Variants in MAIP1 observed in about 807,000 individuals in gnomAD.
MAIP1 encodes the protein matrix AAA peptidase interacting protein 1.
In MAIP1, 28 loss-of-function variants were observed where a neutral mutation model predicts 31.2. The observed-to-expected ratio is 0.90, with a 90% CI of 0.67 to 1.23. The LOEUF is 1.23. MAIP1 is among the 50% of genes most tolerant of loss of function. The pLI, the probability that MAIP1 is intolerant of heterozygous loss-of-function variation, is 0.00. For synonymous variants in MAIP1, 142 were observed against 142.3 expected (o/e 1.00, Z 0.02); for missense variants, 339 against 356.0 (o/e 0.95, Z 0.38).
chr2:199,955,453 G>T, upstream of MAIP1: 1 of 1,613,886 alleles, frequency 6.2e-7, no homozygotes, highest in Non-Finnish European at 8.5e-7. Context: ...GGGGTACCGG[G>T]AGGTGCTGCC....
In MAIP1 at chr2:199,958,663, G is replaced by A. The variant is rs535661164; in HGVS notation, c.451-605G>A. On this transcript the variant is annotated intron_variant, in intron 1 of 4. Coordinates refer to ENST00000392290, the MANE Select transcript of MAIP1 (RefSeq NM_001394955.1). Reference sequence around the variant, plus strand: ...GTAGACTGAAAGTTCCCTGAAGACAGGTAGGATCTTAACTCACAGTTTGCT... The same window carrying A: ...GTAGACTGAAAGTTCCCTGAAGACAAGTAGGATCTTAACTCACAGTTTGCT... Among the ~76,000 whole-genome samples the A allele has an allele frequency of 2.0e-5, 3 of 152,332 alleles. No homozygotes were observed. In the East Asian group the frequency reaches 5.8e-4, roughly 29 times the overall value.
At chr2:199,963,575 T>A (rs1473000214) in intron 4 of MAIP1, among the ~76,000 whole-genome samples, 158 bp from the exon 5 acceptor site, 1 of 152,216 alleles carries the variant, frequency 6.6e-6, no homozygotes, top group Non-Finnish European at 1.5e-5. Flanking sequence ...TGTGATTGAA[T>A]GGGTAGGTTA....
At chr2:199,960,331 A>G (rs939256206) in intron 3 of MAIP1, among the ~76,000 whole-genome samples, 1 of 152,326 alleles carries the variant, frequency 6.6e-6, no homozygotes, top group Non-Finnish European at 1.5e-5. Flanking sequence ...AATTGGATCT[A>G]TTTGAGAATA....
In MAIP1 at chr2:199,963,721, T is replaced by A; in HGVS notation, c.798-12T>A. On this transcript the variant is annotated splice_polypyrimidine_tract_variant and intron_variant, in intron 4 of 4. Coordinates refer to ENST00000392290, the MANE Select transcript of MAIP1 (RefSeq NM_001394955.1). ...GATGTAAGATTTACATTATTTGCAA[T>A]GTCTTTCCTAGGTTTCAGAGGGAGT... 1.3e-6 allele frequency: 2 copies of A among 1,539,860 alleles called. No individual in the cohort carries two copies. Among genetic ancestry groups the A allele is most frequent in the Non-Finnish European group, 1.8e-6 (2 of 1,113,532 alleles).
chr2:199,961,201 A>G (rs1249333882), intron 3 of MAIP1, among the ~76,000 whole-genome samples: 1 of 152,168 alleles, frequency 6.6e-6, no homozygotes, highest in Non-Finnish European at 1.5e-5. Context: ...GGTGGCTCAC[A>G]CTTGTAATCC....
Position 199,955,748 on chromosome 2 carries a change from G to T in MAIP1, c.-51G>T. 6.7e-7 allele frequency: 1 copy of T among 1,486,054 alleles called. No individual in the cohort carries two copies. Among genetic ancestry groups the T allele is most frequent in the South Asian group, 1.4e-5 (1 of 73,826 alleles). 92.1% of individuals were successfully genotyped at this position (1,486,054 alleles called of 1,614,324 possible). A position where few individuals can be genotyped will look rare whatever the true frequency, so the allele number is the denominator to read the frequency against. ...GACACCGCTGAGGCGGTTTCCCACCGACTTCCTTTCCATACAGCACCGGCA... is the reference window on the plus strand; with the variant it reads ...GACACCGCTGAGGCGGTTTCCCACCTACTTCCTTTCCATACAGCACCGGCA... On this transcript the variant is annotated 5_prime_UTR_variant, in exon 1 of 5. Coordinates refer to ENST00000392290, the MANE Select transcript of MAIP1 (RefSeq NM_001394955.1).
intron 1 of MAIP1, among the ~76,000 whole-genome samples, chr2:199,956,772 G>C (rs1401219236): frequency 1.3e-5 from 2 of 152,214 alleles, no homozygotes; most frequent in Non-Finnish European, 2.9e-5. Context: ...CCAGCTATTA[G>C]ACAGAGCCGA....
rs181294897 is a variant in MAIP1 at position 199,964,075 on chromosome 2, A to G, written c.*264A>G. The G allele has an allele frequency of 6.7e-4, 153 of 227,314 alleles. No individual in the cohort carries two copies. Among genetic ancestry groups the G allele is most frequent in the African/African-American group, 3.3e-3 (145 of 43,864 alleles). 14.1% of individuals were successfully genotyped at this position (227,314 alleles called of 1,614,324 possible). On this transcript the variant is annotated 3_prime_UTR_variant, in exon 5 of 5. Transcript: ENST00000392290. ...TATTCAATAACATTTCCAATGCTAC[A>G]TATAATTTTATAGACATAATAAAGA...
chr2:199,963,833 A>C lies in MAIP1; in HGVS notation c.*22A>C. The C allele has an allele frequency of 6.5e-7, 1 of 1,529,136 alleles. No individual in the cohort carries two copies. The highest frequency in any genetic ancestry group is 1.1e-5 in the South Asian group (1 of 87,806). The allele number at this position is 1,529,136 out of a possible 1,614,324, so 94.7% of individuals were successfully genotyped here. On this transcript the variant is annotated 3_prime_UTR_variant, in exon 5 of 5. Coordinates refer to ENST00000392290, the MANE Select transcript of MAIP1 (RefSeq NM_001394955.1). ...ATAATTTTCTTGGAAAAATCAGCTT[A>C]TGGACTTTAGCAGTTGCTGTGAAAA...
intron 1 of MAIP1, among the ~76,000 whole-genome samples, chr2:199,956,717 C>G (rs1246801109): frequency 6.6e-6 from 1 of 152,164 alleles, no homozygotes. Context: ...ATAACATTTC[C>G]AAAGTGCTGT....
upstream of MAIP1, chr2:199,955,501 T>C (rs777463106): frequency 2.9e-5 from 46 of 1,609,378 alleles, 1 homozygote; most frequent in East Asian, 3.6e-4. Flanking sequence ...TTCCAGGTCT[T>C]CGGAACTTCG....
chr2:199,959,197 C>T (rs981862342), intron 1 of MAIP1, 71 bp from the exon 2 acceptor site: 2 of 783,052 alleles, frequency 2.6e-6, no homozygotes, highest in Admixed American at 1.9e-5. Context: ...TACACTTAGC[C>T]ATTTAAATAT....
intron 4 of MAIP1, 145 bp from the exon 5 acceptor site, chr2:199,963,588 C>CT: frequency 3.5e-5 from 17 of 479,960 alleles, no homozygotes; most frequent in East Asian, 1.0e-4. Context: ...GTAGGTTAAA[C>CT]TTTTTTTTGT....
At chr2:199,956,491 T>C (rs1397732688) in intron 1 of MAIP1, among the ~76,000 whole-genome samples, 1 of 151,876 alleles carries the variant, frequency 6.6e-6, no homozygotes, top group East Asian at 1.9e-4. Flanking sequence ...AACCCAGGAG[T>C]TGGACGTTGT....
intron 1 of MAIP1, among the ~76,000 whole-genome samples, chr2:199,957,803 A>G (rs2077616249): frequency 6.6e-6 from 1 of 152,218 alleles, no homozygotes. Flanking sequence ...GGTAAGTTGT[A>G]TTGATCCTAC....
chr2:199,960,908 T>A (rs2077632278), intron 3 of MAIP1, among the ~76,000 whole-genome samples: 2 of 152,202 alleles, frequency 1.3e-5, no homozygotes, highest in African/African-American at 2.4e-5. Flanking sequence ...TTTTGAAATA[T>A]TTGTAAAGAT....
upstream of MAIP1, chr2:199,955,551 G>T (rs1252288586): frequency 8.5e-6 from 13 of 1,528,248 alleles, no homozygotes; most frequent in Non-Finnish European, 1.2e-5. Flanking sequence ...CCGGAAACAC[G>T]AGCGACAGAG....
At chr2:199,955,464 C>G, upstream of MAIP1, 1 of 1,613,724 alleles carries the variant, frequency 6.2e-7, no homozygotes, top group Non-Finnish European at 8.5e-7. Flanking sequence ...AGGTGCTGCC[C>G]GGCCATGGTT....
chr2:199,961,108 AT>A (rs924976271), intron 3 of MAIP1, among the ~76,000 whole-genome samples: 1 of 151,934 alleles, frequency 6.6e-6, no homozygotes, highest in Non-Finnish European at 1.5e-5. Flanking sequence ...AGCAAAAAAT[AT>A]TTTTTTTCTC....
Sources: allele counts gnomAD v4.1 joint callset (sites outside exome capture counted in the v4.1 genomes callset), GRCh38; gene constraint gnomAD v4.1.1; transcripts MANE v1.5; gene names NCBI Gene and HGNC (gene_info 2026-07-23, HGNC 2026-07-21).